Variants in ATE1 observed in about 807,000 individuals in gnomAD.
ATE1 encodes the protein arginyl-tRNA--protein transferase 1.
In ATE1, 36 loss-of-function variants were observed where a neutral mutation model predicts 70.5. The observed-to-expected ratio is 0.51, with a 90% confidence interval of 0.39 to 0.67. The LOEUF is 0.67. Ranked by LOEUF, ATE1 falls within the 30% of genes least tolerant of loss-of-function variation. The pLI is 0.00. For synonymous variants in ATE1, 232 were observed against 219.3 expected, an observed-to-expected ratio of 1.06 and a Z score of -0.51; for missense variants, 593 against 629.5, an observed-to-expected ratio of 0.94 and a Z score of 0.62.
chr10:121,796,295 A>G (rs1464203059), intron 10 of ATE1, among the ~76,000 whole-genome samples: 1 of 152,178 alleles, frequency 6.6e-6, no homozygotes, highest in Non-Finnish European at 1.5e-5. Flanking sequence ...GTTAAAAAAT[A>G]ACGTTTAAAA....
chr10:121,768,118 C>T (rs766718424), intron 11 of ATE1, among the ~76,000 whole-genome samples: 9 of 152,172 alleles, frequency 5.9e-5, no homozygotes, highest in Non-Finnish European at 7.3e-5. Context: ...TATGACACCA[C>T]TAATTTTTGG....
intron 10 of ATE1, among the ~76,000 whole-genome samples, chr10:121,827,018 ATTT>A (rs34739140): frequency 6.8e-6 from 1 of 146,028 alleles, no homozygotes. Flanking sequence ...ATGGGCAATA[ATTT>A]TTTTTTTTTT....
At chr10:121,892,653 C>T (rs1004736976) in intron 7 of ATE1, among the ~76,000 whole-genome samples, 1 of 151,860 alleles carries the variant, frequency 6.6e-6, no homozygotes, top group Admixed American at 6.6e-5. Flanking sequence ...TTACAGGTGC[C>T]CTCCACCATG....
intron 11 of ATE1, among the ~76,000 whole-genome samples, chr10:121,773,300 T>C (rs967361054): frequency 2.6e-5 from 4 of 152,210 alleles, no homozygotes; most frequent in African/African-American, 9.6e-5. Context: ...GGAGACCCTA[T>C]CATAAAAATA....
rs113846281 is a variant in ATE1 at position 121,765,410 on chromosome 10, A to G, written c.1379-21552T>C. ...ATTCCCAGCCCTGGCTACATATTCAAATCGTGGGGAGGTTTAAACTATGCT... is the reference window on the plus strand; with the variant it reads ...ATTCCCAGCCCTGGCTACATATTCAGATCGTGGGGAGGTTTAAACTATGCT... On this transcript the variant is annotated intron_variant, in intron 11 of 11. Transcript: ENST00000224652. Among the ~76,000 whole-genome samples, 544 of 152,334 alleles carry G rather than the reference A, an allele frequency of 3.6e-3. 2 individuals are homozygous for G. Among genetic ancestry groups the G allele is most frequent in the African/African-American group, 0.012 (498 of 41,586 alleles).
chr10:121,847,692 A>G (rs1001675321), intron 8 of ATE1, among the ~76,000 whole-genome samples: 4 of 131,418 alleles, frequency 3.0e-5, no homozygotes, highest in Admixed American at 9.0e-5. Context: ...AGGGAGTCAG[A>G]GGTTGCAGTA....
chr10:121,904,258 G>A (rs76167676), intron 5 of ATE1, among the ~76,000 whole-genome samples: 20,069 of 151,490 alleles, frequency 0.13, 1,523 homozygotes, highest in East Asian at 0.19. Context: ...CTAGGATTAC[G>A]GGCGTGAGCC....
chr10:121,823,432 A>C (rs1398180487), intron 10 of ATE1, among the ~76,000 whole-genome samples: 1 of 152,222 alleles, frequency 6.6e-6, no homozygotes, highest in Non-Finnish European at 1.5e-5. Context: ...CTTCCTGGGA[A>C]AACCTGTGCA....
rs1198900216 is a variant in ATE1 at position 121,817,625 on chromosome 10, A to C, written c.1257+19093T>G. Among the ~76,000 whole-genome samples, 4 of 152,284 alleles carry C rather than the reference A, an allele frequency of 2.6e-5. No homozygotes were observed. The East Asian group carries it at 5.8e-4, about 22-fold the overall frequency. ...GCAGATGTGAAAAGAAGTAGCTATA[A>C]TACAATCCCATAAACGTTGATATCA... is the stretch of plus-strand genomic sequence containing the variant. On this transcript the variant is annotated intron_variant, in intron 10 of 11. Transcript: ENST00000224652.
chr10:121,758,105 T>C (rs1944881591), intron 11 of ATE1, among the ~76,000 whole-genome samples: 1 of 152,250 alleles, frequency 6.6e-6, no homozygotes, highest in Non-Finnish European at 1.5e-5. Context: ...AAGAAGGTAC[T>C]ATACTTAATA....
chr10:121,799,124 C>T (rs529148525), intron 10 of ATE1, among the ~76,000 whole-genome samples: 3 of 152,190 alleles, frequency 2.0e-5, no homozygotes, highest in South Asian at 2.1e-4. Flanking sequence ...ACAGGGACTC[C>T]GCTTGACATC....
At position 121,888,251 on chromosome 10, in the gene ATE1, G is replaced by A. The variant is rs188701628; in HGVS notation, c.942+11615C>T. Among the ~76,000 whole-genome samples the A allele has an allele frequency of 5.4e-3, 827 of 152,118 alleles. 4 individuals are homozygous for A. Among genetic ancestry groups the A allele is most frequent in the South Asian group, 0.013 (61 of 4,802 alleles). Reference sequence around the variant, plus strand: ...CTTCTAAAAATACAAAAAATTAGCCGGGCGTGGTGGCAGGCGCCTGGAGTC... The same window carrying A: ...CTTCTAAAAATACAAAAAATTAGCCAGGCGTGGTGGCAGGCGCCTGGAGTC... On this transcript the variant is annotated intron_variant, in intron 7 of 11. Coordinates refer to ENST00000224652, the MANE Select transcript of ATE1 (RefSeq NM_001001976.3).
intron 8 of ATE1, among the ~76,000 whole-genome samples, chr10:121,858,486 T>C (rs557690116): frequency 6.6e-6 from 1 of 151,762 alleles, no homozygotes; most frequent in Non-Finnish European, 1.5e-5. Context: ...ACCATAACTT[T>C]GAAGATCCTT....
intron 3 of ATE1, among the ~76,000 whole-genome samples, chr10:121,914,293 C>T (rs561824943): frequency 1.3e-5 from 2 of 152,168 alleles, no homozygotes; most frequent in African/African-American, 4.8e-5. Flanking sequence ...TCTCAAACTC[C>T]TGAACTCGTG....
intron 10 of ATE1, among the ~76,000 whole-genome samples, chr10:121,806,543 G>T (rs1364240255): frequency 6.6e-6 from 1 of 152,018 alleles, no homozygotes; most frequent in Non-Finnish European, 1.5e-5. Context: ...TACACTATCA[G>T]GACAACTGGA....
In ATE1 at chr10:121,902,441, C is replaced by T. The variant is rs1477773805; in HGVS notation, c.763G>A (p.Glu255Lys). The T allele has an allele frequency of 1.3e-5, 21 of 1,614,024 alleles. No individual in the cohort carries two copies. Among genetic ancestry groups the T allele is most frequent in the African/African-American group, 4.0e-5 (3 of 74,896 alleles). ...KAKSNQPKSL[E>K]DLIFESLPEN... ...GGTAAAGACTCAAAAATTAAATCTT[C>T]GAGTGATTTTGGCTGGTTGGATTTA... The change falls in exon 6 of 12, where the codon GAA (glutamate) becomes AAA (lysine). Residue 255 changes from glutamate (E) to lysine (K), a missense_variant. Around this residue, in one of 3 missense-constraint regions of ATE1, gnomAD observed 467 missense variants for 469.6 expected, o/e 0.99. Transcript: ENST00000224652.
At chr10:121,893,606 G>A (rs1171057118) in intron 7 of ATE1, among the ~76,000 whole-genome samples, 1 of 151,852 alleles carries the variant, frequency 6.6e-6, no homozygotes. Flanking sequence ...CACAAAAAAG[G>A]GAAAGAGGGA....
chr10:121,896,647 A>T (rs900705861), intron 7 of ATE1, among the ~76,000 whole-genome samples: 1 of 151,730 alleles, frequency 6.6e-6, no homozygotes, highest in African/African-American at 2.4e-5. Flanking sequence ...TGTCTCTACT[A>T]AAAATACAAA....
intron 8 of ATE1, among the ~76,000 whole-genome samples, chr10:121,852,872 T>C (rs549639460): frequency 6.6e-6 from 1 of 152,266 alleles, no homozygotes; most frequent in Admixed American, 6.5e-5. Flanking sequence ...ATGCTCACTG[T>C]TAAAATGGCA....
Sources: gnomAD v4.1 joint callset for allele counts (sites outside exome capture counted in the v4.1 genomes callset) on GRCh38, gnomAD v4.1.1 for gene constraint, gnomAD v4.1.1 regional missense constraint, MANE v1.5 for transcripts, NCBI Gene and HGNC (gene_info 2026-07-23, HGNC 2026-07-21) for gene names.